Variants in SGMS2 observed in about 807,000 individuals in gnomAD.
The protein encoded by SGMS2 is sphingomyelin synthase 2.
SGMS2 carries 21 observed loss-of-function variants against 43.8 expected under a neutral mutation model. The ratio of observed to expected loss-of-function variants is 0.48; its 90% CI spans 0.34 to 0.69. The LOEUF is 0.69. Ranked by LOEUF, SGMS2 falls within the 30% of genes least tolerant of loss-of-function variation. The probability of loss-of-function intolerance (pLI) is 0.01; values close to 1 mark genes in which losing one functional copy is unlikely to be tolerated. For missense variants in SGMS2, 384 were observed against 443.2 expected, an observed-to-expected ratio of 0.87 and a Z score of 1.20; for synonymous variants, 167 against 160.6, an observed-to-expected ratio of 1.04 and a Z score of -0.30.
chr4:107,851,904 T>C (rs1727165678), intron 1 of SGMS2, among the ~76,000 whole-genome samples: 1 of 152,134 alleles, frequency 6.6e-6, no homozygotes, highest in Non-Finnish European at 1.5e-5. Flanking sequence ...TGCTACTTGG[T>C]GGTACATCAC....
At chr4:107,836,248 T>A (rs1424550896) in intron 1 of SGMS2, among the ~76,000 whole-genome samples, 4 of 152,212 alleles carry the variant, frequency 2.6e-5, no homozygotes, top group Admixed American at 2.0e-4. Context: ...CTAACCAGCC[T>A]TATCCTTAAG....
chr4:107,859,353 C>A (rs563279327), intron 2 of SGMS2, among the ~76,000 whole-genome samples: 1 of 152,110 alleles, frequency 6.6e-6, no homozygotes, highest in South Asian at 2.1e-4. Flanking sequence ...CATGTAATCC[C>A]AAATCATTTA....
intron 2 of SGMS2, among the ~76,000 whole-genome samples, chr4:107,890,227 G>A (rs911979747): frequency 9.2e-5 from 14 of 152,112 alleles, no homozygotes; most frequent in African/African-American, 2.2e-4. Context: ...GTTTCTCCCC[G>A]AAAGGGAGTC....
chr4:107,905,948 C>T (rs1731522720), intron 5 of SGMS2, among the ~76,000 whole-genome samples: 1 of 152,104 alleles, frequency 6.6e-6, no homozygotes, highest in African/African-American at 2.4e-5. Context: ...GCAAGGAATA[C>T]CATTCTGCTT....
intron 2 of SGMS2, among the ~76,000 whole-genome samples, chr4:107,860,070 C>T (rs1284672082): frequency 6.6e-6 from 1 of 151,924 alleles, no homozygotes; most frequent in African/African-American, 2.4e-5. Flanking sequence ...CTGCCTCCAC[C>T]ATCCTCTCAG....
chr4:107,882,005 A>G (rs888581491), intron 2 of SGMS2, among the ~76,000 whole-genome samples: 1 of 152,208 alleles, frequency 6.6e-6, no homozygotes, highest in Admixed American at 6.6e-5. Flanking sequence ...TTCTTCATCC[A>G]TCCATCAGTG....
chr4:107,857,531 G>GATATATATATATATAT (rs112123351), intron 1 of SGMS2, among the ~76,000 whole-genome samples: 4 of 144,924 alleles, frequency 2.8e-5, no homozygotes, highest in Non-Finnish European at 4.6e-5. Flanking sequence ...GTAGTTAAAA[G>GATATATATATATATAT]ATATATATAT....
intron 1 of SGMS2, among the ~76,000 whole-genome samples, chr4:107,841,606 T>C (rs1168070601): frequency 6.6e-6 from 1 of 152,138 alleles, no homozygotes; most frequent in African/African-American, 2.4e-5. Context: ...ATGCTACTTA[T>C]CATGGTACTT....
At chr4:107,838,688 G>C (rs1456945923) in intron 1 of SGMS2, among the ~76,000 whole-genome samples, 1 of 151,956 alleles carries the variant, frequency 6.6e-6, no homozygotes, top group East Asian at 1.9e-4. Flanking sequence ...TCTAGACAGA[G>C]TGCCTTGAGC....
chr4:107,835,270 A>T (rs1726108171), intron 1 of SGMS2, among the ~76,000 whole-genome samples: 2 of 152,146 alleles, frequency 1.3e-5, no homozygotes, highest in South Asian at 4.1e-4. Context: ...TCTAGGGGGA[A>T]GAGATTGTCT....
At chr4:107,866,152 G>C (rs1728095856) in intron 2 of SGMS2, among the ~76,000 whole-genome samples, 1 of 152,144 alleles carries the variant, frequency 6.6e-6, no homozygotes, top group Admixed American at 6.5e-5. Flanking sequence ...AGATTAGCAA[G>C]GGCATGTTGT....
At position 107,840,235 on chromosome 4, in the gene SGMS2, A is replaced by G. The variant is rs183675619; in HGVS notation, c.-327+14982A>G. Among the ~76,000 whole-genome samples the G allele has an allele frequency of 6.6e-5, 10 of 152,346 alleles. No individual in the cohort carries two copies. In the East Asian group the frequency reaches 1.7e-3, roughly 26 times the overall value. On this transcript the variant is annotated intron_variant, in intron 1 of 6. Transcript: ENST00000690982. ...ATATTGTTACTGTTGTAAGCAAGTCAAAAGAACTTTTCTTGATAGAACTCT... is the reference window on the plus strand; with the variant it reads ...ATATTGTTACTGTTGTAAGCAAGTCGAAAGAACTTTTCTTGATAGAACTCT...
At chr4:107,853,267 A>G (rs1727252400) in intron 1 of SGMS2, among the ~76,000 whole-genome samples, 1 of 152,208 alleles carries the variant, frequency 6.6e-6, no homozygotes, top group Non-Finnish European at 1.5e-5. Context: ...GCTTAAAAAA[A>G]AAGTCCTGTT....
At chr4:107,885,286 A>G (rs977918993) in intron 2 of SGMS2, among the ~76,000 whole-genome samples, 1 of 152,216 alleles carries the variant, frequency 6.6e-6, no homozygotes, top group Non-Finnish European at 1.5e-5. Flanking sequence ...TTAAAATTAG[A>G]AAATGATTGT....
chr4:107,860,525 G>GTT (rs1361818849), intron 2 of SGMS2, among the ~76,000 whole-genome samples: 41 of 141,976 alleles, frequency 2.9e-4, no homozygotes, highest in African/African-American at 8.7e-4. Flanking sequence ...AGAGGAAGGT[G>GTT]TTTTTTTTTT....
chr4:107,825,548 A>G (rs1027468667), intron 1 of SGMS2, among the ~76,000 whole-genome samples: 1 of 151,484 alleles, frequency 6.6e-6, no homozygotes, highest in Non-Finnish European at 1.5e-5. Flanking sequence ...TCCGGAGGTC[A>G]GGGCTGAAGT....
intron 1 of SGMS2, among the ~76,000 whole-genome samples, chr4:107,834,206 A>G (rs1726047259): frequency 6.6e-6 from 1 of 152,248 alleles, no homozygotes; most frequent in Non-Finnish European, 1.5e-5. Flanking sequence ...CTCATGATTT[A>G]TTACAGACAC....
intron 3 of SGMS2, among the ~76,000 whole-genome samples, chr4:107,897,124 C>T (rs1730737708): frequency 1.3e-5 from 2 of 152,182 alleles, no homozygotes; most frequent in Admixed American, 6.5e-5. Context: ...GGTATATCCA[C>T]TCAGACCCTA....
chr4:107,888,540 G>A (rs6839029), intron 2 of SGMS2, among the ~76,000 whole-genome samples: 107,858 of 151,838 alleles, frequency 0.71, 39,061 homozygotes, highest in African/African-American at 0.84. Context: ...ATTCTCTCTC[G>A]TATGAAGAAT....
Sources: allele counts gnomAD v4.1 joint callset (sites outside exome capture counted in the v4.1 genomes callset), GRCh38; gene constraint gnomAD v4.1.1; transcripts MANE v1.5; gene names NCBI Gene and HGNC (gene_info 2026-07-23, HGNC 2026-07-21).